BMPER: variants seen among roughly 807,000 people sequenced by gnomAD.
The protein encoded by BMPER is BMP-binding endothelial regulator protein.
Under a neutral mutation model 87.3 loss-of-function variants are expected in BMPER, and 45 were observed. The observed-to-expected ratio is 0.52, with a 90% CI of 0.41 to 0.66. The LOEUF (loss-of-function observed/expected upper bound fraction) is 0.66. BMPER is among the 30% of genes least tolerant of loss of function. BMPER has a pLI of 0.00. For synonymous variants in BMPER, 326 were observed against 316.2 expected (o/e 1.03, Z -0.33); for missense variants, 784 against 867.5 (o/e 0.90, Z 1.21).
intron 12 of BMPER, among the ~76,000 whole-genome samples, chr7:34,082,326 T>A (rs1041883391): frequency 3.5e-5 from 4 of 114,096 alleles, no homozygotes; most frequent in African/African-American, 6.7e-5. Flanking sequence ...TACAACTTAT[T>A]AGTTTTTTTT....
In BMPER at chr7:34,107,059, G is replaced by T. The variant is rs192021348; in HGVS notation, c.1745+20967G>T. On this transcript the variant is annotated intron_variant, in intron 13 of 14. Transcript: ENST00000649409. ...AACCAAACTGTCTAGCTTCTTGTGTGGTCTTTAATCAGAATTTAGGTCCTC... is the reference window on the plus strand; with the variant it reads ...AACCAAACTGTCTAGCTTCTTGTGTTGTCTTTAATCAGAATTTAGGTCCTC... 2.5e-4 allele frequency among the ~76,000 whole-genome samples: 38 copies of T among 152,188 alleles called. No individual in the cohort carries two copies. In the East Asian group the frequency reaches 3.3e-3, roughly 13 times the overall value.
At chr7:34,102,388 A>G (rs2127983039) in intron 13 of BMPER, among the ~76,000 whole-genome samples, 1 of 152,354 alleles carries the variant, frequency 6.6e-6, no homozygotes, top group East Asian at 1.9e-4. Context: ...TGTGGTGGTC[A>G]AAATTCTGCA....
intron 11 of BMPER, among the ~76,000 whole-genome samples, chr7:34,070,112 T>C (rs888364092): frequency 2.0e-5 from 3 of 152,220 alleles, no homozygotes; most frequent in African/African-American, 7.2e-5. Flanking sequence ...TGTTTAAGCT[T>C]TGAGGTCCTT....
intron 6 of BMPER, among the ~76,000 whole-genome samples, chr7:34,043,285 G>A (rs1433947294): frequency 6.6e-6 from 1 of 152,164 alleles, no homozygotes; most frequent in Non-Finnish European, 1.5e-5. Flanking sequence ...CTTCCATGTG[G>A]TAACCCAGGG....
At chr7:34,118,296 ACTT>A (rs1790169011) in intron 13 of BMPER, among the ~76,000 whole-genome samples, 2 of 152,176 alleles carry the variant, frequency 1.3e-5, no homozygotes, top group African/African-American at 4.8e-5. Flanking sequence ...CAAGAGCAAA[ACTT>A]CATCTCAAAA....
chr7:33,936,007 C>G (rs1209038726), intron 2 of BMPER, among the ~76,000 whole-genome samples: 1 of 152,142 alleles, frequency 6.6e-6, no homozygotes, highest in African/African-American at 2.4e-5. Flanking sequence ...AGAACTCACT[C>G]TCAGCTCACA....
intron 3 of BMPER, among the ~76,000 whole-genome samples, chr7:33,941,188 TTATA>T (rs889916667): frequency 7.1e-6 from 1 of 141,518 alleles, no homozygotes; most frequent in Non-Finnish European, 1.5e-5. Flanking sequence ...ATAATATAAT[TTATA>T]TATGTTAGAA....
At chr7:34,027,797 A>C (rs1198824250) in intron 6 of BMPER, among the ~76,000 whole-genome samples, 2 of 152,126 alleles carry the variant, frequency 1.3e-5, no homozygotes, top group Non-Finnish European at 1.5e-5. Flanking sequence ...AAAAATTTTT[A>C]TCTCTCTTTG....
At chr7:33,938,913 T>G (rs1268464431) in intron 3 of BMPER, among the ~76,000 whole-genome samples, 1 of 152,010 alleles carries the variant, frequency 6.6e-6, no homozygotes, top group Non-Finnish European at 1.5e-5. Context: ...GTATTCCCAG[T>G]ACTGGGGAGG....
chr7:33,946,362 T>C (rs1326448301), intron 3 of BMPER, among the ~76,000 whole-genome samples: 1 of 152,086 alleles, frequency 6.6e-6, no homozygotes. Flanking sequence ...GGGAAGGAGG[T>C]TAGCTAGCAG....
At chr7:34,084,534 T>TG (rs1255148467) in intron 12 of BMPER, among the ~76,000 whole-genome samples, 3 of 152,184 alleles carry the variant, frequency 2.0e-5, no homozygotes, top group Admixed American at 2.0e-4. Flanking sequence ...ACTCAGGCAC[T>TG]GCCAGGGTGT....
At chr7:34,011,953 A>T (rs1585735729) in intron 6 of BMPER, among the ~76,000 whole-genome samples, 1 of 152,070 alleles carries the variant, frequency 6.6e-6, no homozygotes, top group Admixed American at 6.6e-5. Flanking sequence ...GAATGCATCC[A>T]GAGTTGAATG....
chr7:34,153,410 A>ACTCT lies in BMPER; in HGVS notation c.*137_*138insCTCT. The stretch of plus-strand genomic sequence containing the variant: ...AGAGTATATATGTGTATATATATAT[A>ACTCT]GATATATTCAAAAACATTGCATCAT... On this transcript the variant is annotated 3_prime_UTR_variant, in exon 15 of 15. Coordinates refer to ENST00000649409, the MANE Select transcript of BMPER (RefSeq NM_001365308.1). 1.2e-6 allele frequency: 1 copy of ACTCT among 811,190 alleles called. No homozygotes were observed. Among genetic ancestry groups the ACTCT allele is most frequent in the Non-Finnish European group, 2.0e-6 (1 of 507,844 alleles). 50.2% of individuals were successfully genotyped at this position (811,190 alleles called of 1,614,324 possible).
intron 7 of BMPER, among the ~76,000 whole-genome samples, chr7:34,046,655 T>C (rs1373263347): frequency 6.6e-6 from 1 of 152,212 alleles, no homozygotes; most frequent in African/African-American, 2.4e-5. Context: ...TGACCTGGGG[T>C]AATTCTCCCT....
chr7:34,092,462 T>G (rs1338183799), intron 13 of BMPER, among the ~76,000 whole-genome samples: 1 of 152,204 alleles, frequency 6.6e-6, no homozygotes, highest in East Asian at 1.9e-4. Flanking sequence ...TAGCCTCTTC[T>G]TGTATGGTGT....
intron 6 of BMPER, among the ~76,000 whole-genome samples, chr7:34,000,539 A>G (rs972233041): frequency 5.3e-5 from 8 of 152,074 alleles, no homozygotes; most frequent in Admixed American, 2.6e-4. Flanking sequence ...GGTATCTACA[A>G]AGGAATCTTA....
Position 34,129,630 on chromosome 7 carries a change from G to GAAAGAAAGAA in BMPER, c.1746-13599_1746-13598insAAGAAAGAAA, listed in dbSNP as rs1336596665. On this transcript the variant is annotated intron_variant, in intron 13 of 14. Coordinates refer to ENST00000649409, the MANE Select transcript of BMPER (RefSeq NM_001365308.1). ...AGAGAAAGAGAGAGAGAGAGAAAGA[G>GAAAGAAAGAA]AGAAAGAAAGAAAGAAAGAAAGAAA... 6.6e-4 allele frequency among the ~76,000 whole-genome samples: 37 copies of GAAAGAAAGAA among 56,310 alleles called. 1 individual carries two copies. The highest frequency in any genetic ancestry group is 8.1e-3 in the Middle Eastern group (1 of 124). 36.9% of individuals were successfully genotyped at this position (56,310 alleles called of 152,430 possible).
rs1308929077 is a variant in BMPER at position 34,105,523 on chromosome 7, TA to T, written c.1745+19435del. Among the ~76,000 whole-genome samples the T allele has an allele frequency of 2.0e-5, 3 of 152,358 alleles. No individual in the cohort carries two copies. The East Asian group carries it at 5.8e-4, about 29-fold the overall frequency. ...GGGCCAGTCAGGGATATCTGGACTC[TA>T]AAATGATGAGAACAGTTTGATCGTC... On this transcript the variant is annotated intron_variant, in intron 13 of 14. Transcript: ENST00000649409.
At chr7:34,102,491 C>T (rs554966280) in intron 13 of BMPER, among the ~76,000 whole-genome samples, 9 of 152,216 alleles carry the variant, frequency 5.9e-5, no homozygotes, top group East Asian at 5.8e-4. Flanking sequence ...TGGGTGATGC[C>T]GCTGCTGTTC....
Sources: gnomAD v4.1 joint callset for allele counts (sites outside exome capture counted in the v4.1 genomes callset) on GRCh38, gnomAD v4.1.1 for gene constraint, MANE v1.5 for transcripts, NCBI Gene and HGNC (gene_info 2026-07-23, HGNC 2026-07-21) for gene names.